The following ZNF678 variants were observed in gnomAD, a reference collection of about 807,000 sequenced individuals.
The protein encoded by ZNF678 is zinc finger protein 678.
A neutral mutation model predicts 3.0 loss-of-function variants in ZNF678; 5 were observed. That is an observed-to-expected ratio of 1.69 (90% CI 0.88 to 3.56). The LOEUF is 3.56. Among genes scored for constraint, ZNF678 ranks in the 30% most tolerant of loss-of-function variants. The pLI is 0.00. For missense variants in ZNF678, 593 were observed against 605.0 expected (o/e 0.98, Z 0.21); for synonymous variants, 218 against 199.6 (o/e 1.09, Z -0.78).
chr1:227,642,712 AT>A (rs1416469628), intron 1 of ZNF678, among the ~76,000 whole-genome samples: 3 of 151,700 alleles, frequency 2.0e-5, no homozygotes, highest in African/African-American at 7.3e-5. Flanking sequence ...TCTGTGAGAC[AT>A]TTAGGGATGT....
At chr1:227,633,729 A>G (rs1260895755) in intron 1 of ZNF678, among the ~76,000 whole-genome samples, 2 of 152,218 alleles carry the variant, frequency 1.3e-5, no homozygotes, top group Admixed American at 6.5e-5. Context: ...TTGAGTTCCC[A>G]GAAGCCTTGC....
At chr1:227,571,421 A>G (rs1656838009) in intron 1 of ZNF678, among the ~76,000 whole-genome samples, 1 of 152,196 alleles carries the variant, frequency 6.6e-6, no homozygotes, top group South Asian at 2.1e-4. Flanking sequence ...ATTTTAGGGT[A>G]GGTTCCTTGA....
chr1:227,660,120 G>A lies in ZNF678; in HGVS notation c.*4292G>A, dbSNP rs935059016. 9 of 152,012 alleles carry A rather than the reference G, an allele frequency of 5.9e-5. No individual in the cohort carries two copies. Among genetic ancestry groups the A allele is most frequent in the African/African-American group, 2.2e-4 (9 of 41,388 alleles). 9.4% of individuals were successfully genotyped at this position (152,012 alleles called of 1,614,324 possible). A position where few individuals can be genotyped will look rare whatever the true frequency, so the allele number is the denominator to read the frequency against. On this transcript the variant is annotated 3_prime_UTR_variant, in exon 4 of 4. Transcript: ENST00000343776. ...TGAGGTATTCATCTTTCTGTGTTCT[G>A]CTCCATTGGTCTATTTATCTGTTTT...
rs1571873528 is a variant in ZNF678 at position 227,595,080 on chromosome 1, G to C, written c.-164+31356G>C. Among the ~76,000 whole-genome samples, 10 of 152,110 alleles carry C rather than the reference G, an allele frequency of 6.6e-5. No homozygotes were observed. The South Asian group carries it at 2.1e-3, about 32-fold the overall frequency. ...ACAAAGTGGTATTGGAGTGTTATAG[G>C]GTTACGGAGAATACCTTCAATTATC... On this transcript the variant is annotated intron_variant, in intron 1 of 3. Transcript: ENST00000343776.
intron 1 of ZNF678, among the ~76,000 whole-genome samples, chr1:227,635,541 G>A (rs1030521385): frequency 2.2e-4 from 33 of 151,382 alleles, no homozygotes; most frequent in African/African-American, 8.0e-4. Context: ...GTGTGTGTGT[G>A]TGTGTGTGTG....
At chr1:227,573,227 C>T (rs763915084) in intron 1 of ZNF678, among the ~76,000 whole-genome samples, 3 of 152,226 alleles carry the variant, frequency 2.0e-5, no homozygotes, top group Non-Finnish European at 4.4e-5. Flanking sequence ...ACGTAATTCT[C>T]AGGGCTGAAA....
Position 227,587,797 on chromosome 1 carries a change from C to T in ZNF678, c.-164+24073C>T, listed in dbSNP as rs78406124. ...CTCTACATTTTAGCCACTGTGGAAA[C>T]CCTGAAATTCACCCTTTCCTTTTTT... On this transcript the variant is annotated intron_variant, in intron 1 of 3. Transcript: ENST00000343776. Among the ~76,000 whole-genome samples, 1,431 of 150,960 alleles carry T rather than the reference C, an allele frequency of 9.5e-3. 27 individuals are homozygous for T. Among genetic ancestry groups the T allele is most frequent in the African/African-American group, 0.033 (1,351 of 41,070 alleles).
At chr1:227,675,077 T>C (rs1659658972) in intron 5 of ZNF678, among the ~76,000 whole-genome samples, 1 of 152,180 alleles carries the variant, frequency 6.6e-6, no homozygotes, top group South Asian at 2.1e-4. Flanking sequence ...TGTATTTCCC[T>C]AAAATTTACA....
intron 1 of ZNF678, among the ~76,000 whole-genome samples, chr1:227,616,992 C>T (rs1658158430): frequency 6.6e-6 from 1 of 152,164 alleles, no homozygotes; most frequent in Non-Finnish European, 1.5e-5. Context: ...ATAGCAGATC[C>T]CATGGTGCTT....
intron 1 of ZNF678, among the ~76,000 whole-genome samples, chr1:227,599,518 G>T (rs1336969798): frequency 6.6e-6 from 1 of 152,126 alleles, no homozygotes; most frequent in Non-Finnish European, 1.5e-5. Flanking sequence ...AGGCACTTTA[G>T]TGTATTTATA....
intron 5 of ZNF678, among the ~76,000 whole-genome samples, chr1:227,668,704 T>G (rs1466292461): frequency 2.0e-5 from 3 of 152,232 alleles, no homozygotes; most frequent in African/African-American, 4.8e-5. Context: ...AAATATAATT[T>G]GAATTTTTAA....
intron 5 of ZNF678, among the ~76,000 whole-genome samples, chr1:227,670,517 A>G (rs567773564): frequency 1.3e-5 from 2 of 152,234 alleles, no homozygotes; most frequent in South Asian, 2.1e-4. Context: ...GATCAGGTAA[A>G]TGTCTGCCTG....
chr1:227,566,121 C>T (rs1656678635), intron 1 of ZNF678, among the ~76,000 whole-genome samples: 1 of 152,184 alleles, frequency 6.6e-6, no homozygotes, highest in Non-Finnish European at 1.5e-5. Context: ...CCCAAGATGC[C>T]CACAGTGGCT....
At chr1:227,646,747 G>T (rs1186171306) in intron 2 of ZNF678, 77 bp downstream of exon 2, 6 of 1,256,376 alleles carry the variant, frequency 4.8e-6, no homozygotes, top group African/African-American at 1.6e-5. Context: ...AATGTTACCT[G>T]AGAGTTTGTC....
At position 227,655,066 on chromosome 1, in the gene ZNF678, C is replaced by T. The variant is rs1260820766; in HGVS notation, c.816C>T (p.Asn272=). Residue 272 remains asparagine, a synonymous_variant, in exon 4 of 4, where the codon AAC becomes AAT. Coordinates refer to ENST00000343776, the MANE Select transcript of ZNF678 (RefSeq NM_001367909.1). ...EKPYKCEECG[N]VFNECSHLTR... ...CTTACAAGTGTGAAGAATGTGGCAA[C>T]GTTTTTAATGAGTGCTCACACCTAA... 19 of 1,569,344 alleles carry T rather than the reference C, an allele frequency of 1.2e-5. No homozygotes were observed. The highest frequency in any genetic ancestry group is 2.4e-5 in the East Asian group (1 of 42,388).
chr1:227,655,044 A>G lies in ZNF678; in HGVS notation c.794A>G (p.Tyr265Cys), dbSNP rs375948921. Residue 265 changes from tyrosine (Y) to cysteine (C), a missense_variant, in exon 4 of 4, where the codon TAC (tyrosine) becomes TGC (cysteine). Coordinates refer to ENST00000343776, the MANE Select transcript of ZNF678 (RefSeq NM_001367909.1). ...AGAATTCATACTGGAGAGAAACCTT[A>G]CAAGTGTGAAGAATGTGGCAACGTT... ...HKRIHTGEKP[Y>C]KCEECGNVFN... 5 of 1,612,238 alleles carry G rather than the reference A, an allele frequency of 3.1e-6. No individual in the cohort carries two copies. The African/African-American group carries it at 6.7e-5, about 22-fold the overall frequency.
At chr1:227,668,797 A>G (rs988383644) in intron 5 of ZNF678, among the ~76,000 whole-genome samples, 1 of 152,190 alleles carries the variant, frequency 6.6e-6, no homozygotes, top group Non-Finnish European at 1.5e-5. Flanking sequence ...AGTTATGCCA[A>G]CACCATTTAT....
At position 227,572,645 on chromosome 1, in the gene ZNF678, A is replaced by G. The variant is rs903688666; in HGVS notation, c.-164+8921A>G. Among the ~76,000 whole-genome samples the G allele has an allele frequency of 2.0e-5, 3 of 152,304 alleles. No homozygotes were observed. The South Asian group carries it at 6.2e-4, about 32-fold the overall frequency. On this transcript the variant is annotated intron_variant, in intron 1 of 3. Transcript: ENST00000343776. ...TAATGTGCACTGCCTGGCCTTATGT[A>G]AATAGAGAGCTCAGCTAAGGCCTAA...
intron 1 of ZNF678, among the ~76,000 whole-genome samples, chr1:227,632,860 GC>G (rs1267875300): frequency 6.6e-6 from 1 of 152,140 alleles, no homozygotes; most frequent in Admixed American, 6.5e-5. Context: ...CTCCCAAATG[GC>G]AGCAAGCCTT....
Sources: allele counts gnomAD v4.1 joint callset (sites outside exome capture counted in the v4.1 genomes callset), GRCh38; gene constraint gnomAD v4.1.1; transcripts MANE v1.5; gene names NCBI Gene and HGNC (gene_info 2026-07-23, HGNC 2026-07-21).